KCNMA1: variants seen among roughly 807,000 people sequenced by gnomAD.
The protein encoded by KCNMA1 is potassium calcium-activated channel subfamily M alpha 1.
Under a neutral mutation model 140.0 loss-of-function variants are expected in KCNMA1, and 29 were observed. The ratio of observed to expected loss-of-function variants is 0.21; its 90% confidence interval spans 0.15 to 0.28. KCNMA1 has a LOEUF of 0.28. Ranked by LOEUF, KCNMA1 falls within the 10% of genes least tolerant of loss-of-function variation. The probability of loss-of-function intolerance (pLI) is 1.00; values close to 1 mark genes in which losing one functional copy is unlikely to be tolerated. For synonymous variants in KCNMA1, 612 were observed against 611.9 expected, an observed-to-expected ratio of 1.00 and a Z score of 0.00; for missense variants, 880 against 1,602.2, an observed-to-expected ratio of 0.55 and a Z score of 7.70.
chr10:77,508,900 T>C (rs1170442192), intron 1 of KCNMA1, among the ~76,000 whole-genome samples: 1 of 152,186 alleles, frequency 6.6e-6, no homozygotes, highest in African/African-American at 2.4e-5. Context: ...TCACACAGTA[T>C]TGTGTTTTGT....
intron 18 of KCNMA1, among the ~76,000 whole-genome samples, chr10:77,006,717 G>A (rs2088831580): frequency 6.6e-6 from 1 of 152,216 alleles, no homozygotes; most frequent in Non-Finnish European, 1.5e-5. Flanking sequence ...GAAGGCAGAA[G>A]TATTTGGCAC....
intron 16 of KCNMA1, chr10:77,025,567 C>A: frequency 1.2e-6 from 1 of 855,298 alleles, no homozygotes; most frequent in Non-Finnish European, 1.9e-6. Flanking sequence ...TTGAAGGATG[C>A]ATGTGAAAAC....
At position 76,949,125 on chromosome 10, in the gene KCNMA1, T is replaced by A; in HGVS notation, c.2709+17A>T. ...TGAAAAGAAGAAAAGGCATCAATAA[T>A]GTGACCTTGGACTTACAGGCAATAT... On this transcript the variant is annotated intron_variant, in intron 22 of 27. Transcript: ENST00000286628. The A allele has an allele frequency of 6.4e-7, 1 of 1,565,780 alleles. No homozygotes were observed. The highest frequency in any genetic ancestry group is 8.8e-7 in the Non-Finnish European group (1 of 1,135,824).
chr10:77,602,278 A>G (rs2082898498), intron 1 of KCNMA1, among the ~76,000 whole-genome samples: 1 of 152,124 alleles, frequency 6.6e-6, no homozygotes, highest in Admixed American at 6.5e-5. Context: ...ATAGGGGTTC[A>G]CTATTGTAGC....
chr10:77,135,025 A>AAAAAAAAAAAAAAAAAAAAAAAAC (rs2097969080), intron 5 of KCNMA1, among the ~76,000 whole-genome samples: 1 of 146,172 alleles, frequency 6.8e-6, no homozygotes, highest in Non-Finnish European at 1.5e-5. Flanking sequence ...AAAAAAAAAA[A>AAAAAAAAAAAAAAAAAAAAAAAAC]AAAGGAAGAA....
chr10:77,417,627 C>G (rs2096771592), intron 1 of KCNMA1, among the ~76,000 whole-genome samples: 1 of 152,348 alleles, frequency 6.6e-6, no homozygotes, highest in African/African-American at 2.4e-5. Context: ...GATGAATGTT[C>G]TTGTTTACAA....
chr10:77,483,364 T>A (rs981910479), intron 1 of KCNMA1, among the ~76,000 whole-genome samples: 11 of 152,312 alleles, frequency 7.2e-5, no homozygotes, highest in African/African-American at 2.4e-4. Flanking sequence ...TTTCCTGCCA[T>A]CCCTATTCAT....
At chr10:76,951,336 T>C (rs973046765) in intron 21 of KCNMA1, among the ~76,000 whole-genome samples, 2 of 152,104 alleles carry the variant, frequency 1.3e-5, no homozygotes, top group Non-Finnish European at 2.9e-5. Flanking sequence ...AGAGAGAAAC[T>C]GATCATTTCT....
intron 1 of KCNMA1, among the ~76,000 whole-genome samples, chr10:77,613,909 A>G (rs183563065): frequency 6.6e-6 from 1 of 152,286 alleles, no homozygotes; most frequent in East Asian, 1.9e-4. Context: ...CTCAACACTT[A>G]ACACCCACAG....
intron 1 of KCNMA1, among the ~76,000 whole-genome samples, chr10:77,599,172 A>G (rs1281404584): frequency 1.3e-5 from 2 of 152,246 alleles, no homozygotes; most frequent in African/African-American, 2.4e-5. Context: ...CATTAGAAAG[A>G]GAATCAGCAG....
chr10:77,476,078 C>A (rs1410928265), intron 1 of KCNMA1, among the ~76,000 whole-genome samples: 1 of 152,208 alleles, frequency 6.6e-6, no homozygotes, highest in African/African-American at 2.4e-5. Flanking sequence ...TTCCTCCAGG[C>A]CGCACGGTGC....
chr10:77,570,290 A>C (rs1165119107), intron 1 of KCNMA1, among the ~76,000 whole-genome samples: 6 of 141,208 alleles, frequency 4.2e-5, no homozygotes, highest in Non-Finnish European at 9.3e-5. Context: ...ATGCACACGT[A>C]TGTTTATTGC....
chr10:77,083,838 GA>G (rs201763383), intron 12 of KCNMA1, among the ~76,000 whole-genome samples: 2 of 99,270 alleles, frequency 2.0e-5, no homozygotes, highest in Non-Finnish European at 3.9e-5. Flanking sequence ...CTGTCTCTAT[GA>G]AAAAAAACGG....
At chr10:77,201,571 A>C (rs1269032608) in intron 3 of KCNMA1, among the ~76,000 whole-genome samples, 1 of 152,200 alleles carries the variant, frequency 6.6e-6, no homozygotes, top group South Asian at 2.1e-4. Flanking sequence ...ATTTCAAAGG[A>C]GAGTAGAACA....
chr10:77,039,334 G>C (rs2094519808), intron 15 of KCNMA1, 194 bp downstream of exon 15: 2 of 631,090 alleles, frequency 3.2e-6, no homozygotes, highest in African/African-American at 1.8e-5. Flanking sequence ...GAAAAGTGGG[G>C]CCAGTGGAAA....
intron 19 of KCNMA1, among the ~76,000 whole-genome samples, chr10:76,988,999 C>T (rs764888306): frequency 6.6e-6 from 1 of 152,116 alleles, no homozygotes; most frequent in Non-Finnish European, 1.5e-5. Context: ...GATGAGGAGG[C>T]TCTTTGGGGA....
At chr10:77,359,195 C>G (rs952657747) in intron 2 of KCNMA1, among the ~76,000 whole-genome samples, 2 of 152,188 alleles carry the variant, frequency 1.3e-5, no homozygotes, top group Non-Finnish European at 2.9e-5. Flanking sequence ...GTGCTTCAGG[C>G]CTGCAGTTCT....
chr10:77,221,761 A>T (rs1407593976), intron 3 of KCNMA1, among the ~76,000 whole-genome samples: 3 of 152,154 alleles, frequency 2.0e-5, no homozygotes, highest in Admixed American at 6.5e-5. Flanking sequence ...TCCAATTTTC[A>T]TCAAATTCTC....
chr10:77,334,806 TAAAC>T (rs2088146816), intron 2 of KCNMA1, among the ~76,000 whole-genome samples: 1 of 152,122 alleles, frequency 6.6e-6, no homozygotes, highest in East Asian at 1.9e-4. Context: ...AAATGAAAAA[TAAAC>T]AAGTAAAGTT....
Sources: allele counts gnomAD v4.1 joint callset (sites outside exome capture counted in the v4.1 genomes callset), GRCh38; gene constraint gnomAD v4.1.1; transcripts MANE v1.5; gene names NCBI Gene and HGNC (gene_info 2026-07-23, HGNC 2026-07-21).